LRRC28: variants seen among roughly 807,000 people sequenced by gnomAD.
LRRC28 encodes leucine rich repeat containing 28.
Under a neutral mutation model 45.7 loss-of-function variants are expected in LRRC28, and 39 were observed. The ratio of observed to expected loss-of-function variants is 0.85; its 90% CI spans 0.66 to 1.12. The LOEUF is 1.12. Ranked by LOEUF, LRRC28 falls within the 50% of genes most tolerant of loss-of-function variation. The pLI, the probability that LRRC28 is intolerant of heterozygous loss-of-function variation, is 0.00. For missense variants in LRRC28, 435 were observed against 438.5 expected (o/e 0.99, Z 0.07); for synonymous variants, 206 against 178.8 (o/e 1.15, Z -1.22).
At chr15:99,275,463 C>G (rs1158955467) in intron 2 of LRRC28, among the ~76,000 whole-genome samples, 1 of 152,240 alleles carries the variant, frequency 6.6e-6, no homozygotes, top group East Asian at 1.9e-4. Context: ...TTAGTCAGGT[C>G]TTGTACCTGG....
intron 5 of LRRC28, chr15:99,333,695 T>C (rs1956228391): frequency 3.5e-6 from 2 of 569,184 alleles, no homozygotes; most frequent in Admixed American, 3.1e-5. Context: ...TTCTCCATGC[T>C]ACCCAGCCCT....
chr15:99,349,992 C>T (rs967385598), intron 6 of LRRC28, among the ~76,000 whole-genome samples: 12 of 151,068 alleles, frequency 7.9e-5, no homozygotes, highest in South Asian at 2.1e-4. Flanking sequence ...AAAAATTAGC[C>T]GGGCGCGGTG....
chr15:99,296,448 T>C lies in LRRC28; in HGVS notation c.385+8497T>C, dbSNP rs541679225. 1.2e-4 allele frequency among the ~76,000 whole-genome samples: 18 copies of C among 152,330 alleles called. No individual in the cohort carries two copies. The South Asian group carries it at 3.3e-3, about 28-fold the overall frequency. On this transcript the variant is annotated intron_variant, in intron 5 of 9. Transcript: ENST00000301981. ...CGTTACCCTCCTTAGGCAAATACCA[T>C]GGTAATTTTGGGTGATTTACTCTTC... is the stretch of plus-strand genomic sequence containing the variant.
chr15:99,344,780 C>A (rs984922138), intron 6 of LRRC28, among the ~76,000 whole-genome samples: 2 of 152,166 alleles, frequency 1.3e-5, no homozygotes, highest in Non-Finnish European at 1.5e-5. Flanking sequence ...ATTTAATTTG[C>A]ATAAGCTCTT....
rs554807736 is a variant in LRRC28 at position 99,337,412 on chromosome 15, A to G, written c.592+3283A>G. Among the ~76,000 whole-genome samples, 93 of 152,374 alleles carry G rather than the reference A, an allele frequency of 6.1e-4. 1 individual carries two copies. The South Asian group carries it at 0.014, about 23-fold the overall frequency. On this transcript the variant is annotated intron_variant, in intron 6 of 9. Transcript: ENST00000301981. ...GGGTAGAGAACTGAGTGCTACATAC[A>G]CATAGCTAGGCTGCTCTTCTGCCTT...
In LRRC28 at chr15:99,256,101, GA is replaced by G; in HGVS notation, c.148del (p.Arg50GlyfsTer4). ...GLQYLERLYM[K>X]RNSLTSLPEN... ...TGCAGTACTTGGAGAGACTCTATAT[GA>G]AAAGGAACTCCCTGACATCCTTGGT... On this transcript the variant is annotated frameshift_variant, in exon 2 of 10. Transcript: ENST00000301981. LOFTEE classifies it high-confidence loss of function. 1 of 1,610,816 alleles carries G rather than the reference GA, an allele frequency of 6.2e-7. No individual in the cohort carries two copies. Among genetic ancestry groups the G allele is most frequent in the East Asian group, 2.2e-5 (1 of 44,838 alleles).
At chr15:99,359,364 TAATAGAA>T (rs1427655085) in intron 7 of LRRC28, among the ~76,000 whole-genome samples, 5 of 152,214 alleles carry the variant, frequency 3.3e-5, no homozygotes, top group Admixed American at 2.0e-4. Context: ...TATTTTAATT[TAATAGAA>T]AATGAGATAA....
At chr15:99,371,219 A>G in intron 9 of LRRC28, among the ~76,000 whole-genome samples, 1 of 152,234 alleles carries the variant, frequency 6.6e-6, no homozygotes, top group Non-Finnish European at 1.5e-5. Context: ...CCAGTTGGTT[A>G]GCAAACACAC....
intron 9 of LRRC28, among the ~76,000 whole-genome samples, chr15:99,375,929 C>T (rs1456142091): frequency 6.6e-6 from 1 of 151,868 alleles, no homozygotes; most frequent in African/African-American, 2.4e-5. Context: ...GGTTTCTCCT[C>T]TTTATTATTT....
rs939241747 is a variant in LRRC28, at chr15:99,330,915, G to C, written c.386-3008G>C. 2.0e-5 allele frequency among the ~76,000 whole-genome samples: 3 copies of C among 151,810 alleles called. No individual in the cohort carries two copies. The East Asian group carries it at 5.8e-4, about 29-fold the overall frequency. On this transcript the variant is annotated intron_variant, in intron 5 of 9. Transcript: ENST00000301981. The stretch of plus-strand genomic sequence containing the variant: ...TTATCTTCTTGTTTCCTCTGAACAT[G>C]ATGAGTCATTTTTCTGTTGATGCTT...
intron 2 of LRRC28, among the ~76,000 whole-genome samples, chr15:99,265,247 T>C (rs928572347): frequency 5.9e-5 from 9 of 152,100 alleles, no homozygotes; most frequent in African/African-American, 1.7e-4. Context: ...CAGATTTAGG[T>C]TTTTGCCAGG....
chr15:99,366,578 A>C (rs556645890), intron 9 of LRRC28, among the ~76,000 whole-genome samples: 45 of 152,272 alleles, frequency 3.0e-4, no homozygotes, highest in Non-Finnish European at 4.9e-4. Context: ...CTCTCTTCCT[A>C]GCTTGCAGGC....
intron 5 of LRRC28, among the ~76,000 whole-genome samples, chr15:99,301,738 A>G (rs993131134): frequency 7.9e-5 from 12 of 152,298 alleles, no homozygotes; most frequent in Non-Finnish European, 1.8e-4. Context: ...AAAAGAGGTG[A>G]CATAATAGGG....
intron 5 of LRRC28, among the ~76,000 whole-genome samples, chr15:99,326,174 A>G (rs1459226052): frequency 2.0e-5 from 3 of 152,154 alleles, no homozygotes; most frequent in African/African-American, 4.8e-5. Context: ...GTCATTACCC[A>G]GTTCATAAAA....
At chr15:99,288,682 C>CA (rs2082028132) in intron 5 of LRRC28, among the ~76,000 whole-genome samples, 1 of 149,458 alleles carries the variant, frequency 6.7e-6, no homozygotes, top group Non-Finnish European at 1.5e-5. Flanking sequence ...GCCTGGTTGA[C>CA]TTTTTTTTTC....
At chr15:99,261,783 G>A (rs902080698) in intron 2 of LRRC28, among the ~76,000 whole-genome samples, 29 of 151,848 alleles carry the variant, frequency 1.9e-4, no homozygotes, top group African/African-American at 6.0e-4. Context: ...TCAGCCTCCC[G>A]AGTAGCTTGG....
chr15:99,330,048 C>A (rs1409625248), intron 5 of LRRC28, among the ~76,000 whole-genome samples: 1 of 151,642 alleles, frequency 6.6e-6, no homozygotes, highest in Non-Finnish European at 1.5e-5. Flanking sequence ...TAAAATAAAC[C>A]CTCTTTATAA....
intron 3 of LRRC28, among the ~76,000 whole-genome samples, chr15:99,282,992 A>T (rs918407821): frequency 3.9e-5 from 6 of 152,068 alleles, no homozygotes; most frequent in African/African-American, 1.2e-4. Context: ...TCCTGGGTTC[A>T]AGAGATTCTT....
intron 2 of LRRC28, chr15:99,259,136 A>G: frequency 7.6e-7 from 1 of 1,319,426 alleles, no homozygotes; most frequent in Non-Finnish European, 1.1e-6. Flanking sequence ...ATGTCTTGCT[A>G]AACTTCTTAG....
Sources: allele counts gnomAD v4.1 joint callset (sites outside exome capture counted in the v4.1 genomes callset), GRCh38; gene constraint gnomAD v4.1.1; transcripts MANE v1.5; gene names NCBI Gene and HGNC (gene_info 2026-07-23, HGNC 2026-07-21).